SLC39A12: variants seen among roughly 807,000 people sequenced by gnomAD.
The protein encoded by SLC39A12 is solute carrier family 39 member 12.
SLC39A12 carries 63 observed loss-of-function variants against 71.1 expected under a neutral mutation model. The observed-to-expected ratio is 0.89, with a 90% CI of 0.72 to 1.09. SLC39A12 has a LOEUF of 1.09. Ranked by LOEUF, SLC39A12 falls within the 50% of genes least tolerant of loss-of-function variation. SLC39A12 has a pLI of 0.00. For missense variants in SLC39A12, 892 were observed against 812.6 expected, an observed-to-expected ratio of 1.10 and a Z score of -1.19; for synonymous variants, 351 against 301.3, an observed-to-expected ratio of 1.16 and a Z score of -1.71.
At chr10:17,998,286 G>A (rs1052560194) in intron 10 of SLC39A12, among the ~76,000 whole-genome samples, 7 of 125,114 alleles carry the variant, frequency 5.6e-5, no homozygotes, top group African/African-American at 8.7e-5. Flanking sequence ...AGGCCACACT[G>A]GTTTCTAGCA....
At chr10:17,972,271 A>T (rs956146929) in intron 4 of SLC39A12, among the ~76,000 whole-genome samples, 13 of 152,230 alleles carry the variant, frequency 8.5e-5, no homozygotes, top group African/African-American at 3.1e-4. Flanking sequence ...TGTCCTTGAG[A>T]ATCACCCATG....
intron 6 of SLC39A12, among the ~76,000 whole-genome samples, chr10:17,985,352 T>A (rs1179457305): frequency 6.6e-6 from 1 of 151,654 alleles, no homozygotes; most frequent in African/African-American, 2.4e-5. Flanking sequence ...AAAATAAAAA[T>A]AAAATAAAAT....
chr10:18,037,984 C>T (rs1304489381), intron 12 of SLC39A12, among the ~76,000 whole-genome samples: 3 of 123,310 alleles, frequency 2.4e-5, no homozygotes, highest in Non-Finnish European at 3.2e-5. Flanking sequence ...CACACCAATG[C>T]ACTCCAGCCT....
intron 12 of SLC39A12, among the ~76,000 whole-genome samples, chr10:18,009,495 A>G (rs1836139000): frequency 6.6e-6 from 1 of 152,152 alleles, no homozygotes; most frequent in African/African-American, 2.4e-5. Context: ...AGGGTTCTAG[A>G]TCTCTTCCCC....
chr10:17,955,716 G>A (rs1354271641), intron 2 of SLC39A12, among the ~76,000 whole-genome samples: 1 of 152,134 alleles, frequency 6.6e-6, no homozygotes, highest in Non-Finnish European at 1.5e-5. Flanking sequence ...TATAAAAAGT[G>A]AATTTTTTAA....
At chr10:18,008,949 A>G (rs1480350384) in intron 12 of SLC39A12, among the ~76,000 whole-genome samples, 4 of 152,166 alleles carry the variant, frequency 2.6e-5, no homozygotes, top group Non-Finnish European at 5.9e-5. Context: ...TAAAGTTTAT[A>G]AAAATTGCTC....
chr10:17,962,007 A>G (rs1834704289), intron 3 of SLC39A12, 145 bp downstream of exon 3: 1 of 847,806 alleles, frequency 1.2e-6, no homozygotes. Context: ...ATGTTAAATG[A>G]CATAATTTAA....
chr10:17,978,443 A>G (rs780040622), intron 5 of SLC39A12, among the ~76,000 whole-genome samples: 5 of 152,168 alleles, frequency 3.3e-5, no homozygotes, highest in Non-Finnish European at 5.9e-5. Flanking sequence ...TGTATCTTAA[A>G]AGTTATTTTC....
intron 12 of SLC39A12, among the ~76,000 whole-genome samples, chr10:18,037,211 A>T (rs756665109): frequency 2.0e-5 from 3 of 152,088 alleles, no homozygotes; most frequent in Non-Finnish European, 2.9e-5. Flanking sequence ...GTTATTGTTT[A>T]TTGATTTATT....
At chr10:18,012,068 A>C (rs1445440282) in intron 12 of SLC39A12, among the ~76,000 whole-genome samples, 2 of 152,338 alleles carry the variant, frequency 1.3e-5, no homozygotes, top group Non-Finnish European at 2.9e-5. Context: ...CTAGTTGAAA[A>C]AGACCTAAAT....
chr10:18,031,393 G>A (rs1368473494), intron 12 of SLC39A12, among the ~76,000 whole-genome samples: 1 of 136,536 alleles, frequency 7.3e-6, no homozygotes, highest in Non-Finnish European at 1.6e-5. Flanking sequence ...TTTCTCTGAT[G>A]GCCAGTGATG....
At chr10:18,015,185 T>C (rs1836341233) in intron 12 of SLC39A12, among the ~76,000 whole-genome samples, 1 of 151,876 alleles carries the variant, frequency 6.6e-6, no homozygotes, top group South Asian at 2.1e-4. Flanking sequence ...GGGCAAAAAC[T>C]GTATAAACTT....
intron 1 of SLC39A12, 142 bp downstream of exon 1, chr10:17,952,167 G>C (rs1158456634): frequency 6.6e-6 from 1 of 152,124 alleles, no homozygotes; most frequent in African/African-American, 2.4e-5. Context: ...TCATTTACCA[G>C]CTCATCTCTG....
intron 3 of SLC39A12, among the ~76,000 whole-genome samples, chr10:17,962,274 A>G (rs1415276231): frequency 6.6e-6 from 1 of 152,190 alleles, no homozygotes; most frequent in Non-Finnish European, 1.5e-5. Context: ...AAAGTGATAA[A>G]TTATCATTAG....
chr10:18,036,471 C>T (rs1349158960), intron 12 of SLC39A12, among the ~76,000 whole-genome samples: 1 of 152,036 alleles, frequency 6.6e-6, no homozygotes, highest in African/African-American at 2.4e-5. Flanking sequence ...ACCCCTTGCG[C>T]TTCCCAGATG....
intron 7 of SLC39A12, among the ~76,000 whole-genome samples, chr10:17,990,002 C>T (rs946139406): frequency 6.6e-6 from 1 of 152,148 alleles, no homozygotes; most frequent in Non-Finnish European, 1.5e-5. Context: ...AATCAGTGAT[C>T]TGTGGCAAGT....
intron 5 of SLC39A12, 106 bp downstream of exon 5, chr10:17,978,180 T>C: frequency 1.1e-6 from 1 of 896,548 alleles, no homozygotes; most frequent in Non-Finnish European, 1.6e-6. Context: ...TTGTGTATTA[T>C]CTTGAAAAGT....
chr10:17,980,337 TA>T (rs71393049), intron 5 of SLC39A12, among the ~76,000 whole-genome samples: 2 of 151,848 alleles, frequency 1.3e-5, no homozygotes, highest in African/African-American at 4.8e-5. Context: ...GTGCCTTCAT[TA>T]AAAAAAATCT....
At position 18,003,376 on chromosome 10, in the gene SLC39A12, T is replaced by C. The variant is rs1489990528; in HGVS notation, c.1947+18T>C. On this transcript the variant is annotated intron_variant, in intron 12 of 12. Coordinates refer to ENST00000377369, the MANE Select transcript of SLC39A12 (RefSeq NM_001145195.2). ...TTGAAATGGTAAGCTTGGTGGCTTT[T>C]CTATTTGATTTTTCTAAGCACTGAA... The C allele has an allele frequency of 2.5e-6, 4 of 1,587,312 alleles. No individual in the cohort carries two copies. In the African/African-American group the frequency reaches 5.4e-5, roughly 22 times the overall value.
Sources: gnomAD v4.1 joint callset for allele counts (sites outside exome capture counted in the v4.1 genomes callset) on GRCh38, gnomAD v4.1.1 for gene constraint, MANE v1.5 for transcripts, NCBI Gene and HGNC (gene_info 2026-07-23, HGNC 2026-07-21) for gene names.